The following MYO3A variants were observed in gnomAD, a reference collection of about 807,000 sequenced individuals.
MYO3A encodes the protein myosin-IIIa.
A neutral mutation model predicts 192.7 loss-of-function variants in MYO3A; 180 were observed. The ratio of observed to expected loss-of-function variants is 0.93; its 90% CI spans 0.83 to 1.06. The LOEUF is 1.06. Ranked by LOEUF, MYO3A falls within the 50% of genes least tolerant of loss-of-function variation. The probability of loss-of-function intolerance (pLI) is 0.00; values close to 1 mark genes in which losing one functional copy is unlikely to be tolerated. For synonymous variants in MYO3A, 628 were observed against 645.3 expected, an observed-to-expected ratio of 0.97 and a Z score of 0.41; for missense variants, 1,896 against 1,905.0, an observed-to-expected ratio of 1.00 and a Z score of 0.09.
At chr10:26,096,340 G>T in intron 15 of MYO3A, 41 bp from the exon 16 acceptor site, 3 of 1,371,246 alleles carry the variant, frequency 2.2e-6, no homozygotes, top group Non-Finnish European at 3.1e-6. Context: ...AGCAAGAAAT[G>T]TTCTTACTAA....
chr10:26,067,484 C>T (rs931608667), intron 11 of MYO3A, among the ~76,000 whole-genome samples: 1 of 152,148 alleles, frequency 6.6e-6, no homozygotes, highest in Non-Finnish European at 1.5e-5. Flanking sequence ...GTGGTGGCCT[C>T]CCGCTTTGTC....
intron 6 of MYO3A, among the ~76,000 whole-genome samples, chr10:26,014,198 G>T (rs1204205194): frequency 6.6e-6 from 1 of 151,064 alleles, no homozygotes; most frequent in Non-Finnish European, 1.5e-5. Flanking sequence ...GGTAATGGGT[G>T]CACTAAAGTC....
chr10:26,173,671 T>C lies in MYO3A; in HGVS notation c.3407T>C (p.Phe1136Ser). ...TAATATATTTTACACAGGGAATCTT[T>C]CGTGAAGAAACAAGCAGAAAATGCA... ...KKNFENTRESFVKKQAENAIS... is the reference protein window; with the variant it reads ...KKNFENTRESSVKKQAENAIS... Residue 1136 changes from phenylalanine to serine, a missense_variant, in exon 30 of 35, where the codon TTC becomes TCC. By Grantham distance (155) the Phe-to-Ser change is radical. Transcript: ENST00000642920. 1 of 1,613,316 alleles carries C rather than the reference T, an allele frequency of 6.2e-7. No homozygotes were observed. The highest frequency in any genetic ancestry group is 8.5e-7 in the Non-Finnish European group (1 of 1,179,526).
At chr10:26,039,965 G>A (rs1405770026) in intron 10 of MYO3A, among the ~76,000 whole-genome samples, 1 of 148,936 alleles carries the variant, frequency 6.7e-6, no homozygotes, top group East Asian at 1.9e-4. Flanking sequence ...ACATCATTAG[G>A]TTGTTTATTT....
At chr10:26,006,275 A>G (rs557269877) in intron 6 of MYO3A, among the ~76,000 whole-genome samples, 1 of 152,326 alleles carries the variant, frequency 6.6e-6, no homozygotes, top group South Asian at 2.1e-4. Context: ...CACAAGAGAA[A>G]GCAGAAAGAT....
chr10:26,058,291 T>G (rs999685732), intron 10 of MYO3A, among the ~76,000 whole-genome samples: 1 of 152,254 alleles, frequency 6.6e-6, no homozygotes, highest in African/African-American at 2.4e-5. Context: ...TTTGTATTTC[T>G]TCCATGTTTT....
chr10:26,212,028 C>T lies in MYO3A; in HGVS notation c.*65C>T. On this transcript the variant is annotated 3_prime_UTR_variant, in exon 35 of 35. Transcript: ENST00000642920. ...AGCCTGCGGGGCAGCAGGGGCCAAGCAGGCACTCTGGGGCTGGCACCAGCA... is the reference window on the plus strand; with the variant it reads ...AGCCTGCGGGGCAGCAGGGGCCAAGTAGGCACTCTGGGGCTGGCACCAGCA... The T allele has an allele frequency of 6.3e-7, 1 of 1,577,260 alleles. No homozygotes were observed. Among genetic ancestry groups the T allele is most frequent in the Non-Finnish European group, 8.6e-7 (1 of 1,158,338 alleles).
At chr10:26,150,230 A>C (rs1185862226) in intron 23 of MYO3A, among the ~76,000 whole-genome samples, 1 of 152,188 alleles carries the variant, frequency 6.6e-6, no homozygotes, top group Non-Finnish European at 1.5e-5. Context: ...ATATTGCTGA[A>C]TTCAGTTTGC....
chr10:26,119,888 G>A (rs548245838), intron 17 of MYO3A, among the ~76,000 whole-genome samples: 1 of 151,992 alleles, frequency 6.6e-6, no homozygotes, highest in East Asian at 1.9e-4. Flanking sequence ...TGGCACAGTG[G>A]TTTACACCAA....
chr10:26,047,969 A>C (rs1023105917), intron 10 of MYO3A, among the ~76,000 whole-genome samples: 9 of 152,122 alleles, frequency 5.9e-5, no homozygotes, highest in African/African-American at 2.2e-4. Context: ...TCACATTTTT[A>C]ATACTCTAAA....
At chr10:26,122,394 A>G (rs1304407642) in intron 18 of MYO3A, among the ~76,000 whole-genome samples, 1 of 152,238 alleles carries the variant, frequency 6.6e-6, no homozygotes, top group African/African-American at 2.4e-5. Flanking sequence ...TGAAAGTTAT[A>G]AGGAATTATG....
intron 10 of MYO3A, among the ~76,000 whole-genome samples, chr10:26,047,712 T>A (rs1054929280): frequency 2.9e-4 from 44 of 151,954 alleles, no homozygotes; most frequent in Admixed American, 2.7e-3. Context: ...GAGGTGGAGC[T>A]TGCAGTGAGC....
At chr10:26,037,012 G>A (rs1015102789) in intron 10 of MYO3A, among the ~76,000 whole-genome samples, 4 of 152,146 alleles carry the variant, frequency 2.6e-5, no homozygotes, top group Non-Finnish European at 5.9e-5. Flanking sequence ...CAATCCTGCC[G>A]TCTATTAGTC....
intron 3 of MYO3A, among the ~76,000 whole-genome samples, chr10:25,953,391 TTAAA>T (rs1164860883): frequency 2.6e-5 from 4 of 152,040 alleles, no homozygotes; most frequent in African/African-American, 7.2e-5. Flanking sequence ...AAGCAATAAA[TTAAA>T]TAAATACACT....
At position 26,011,881 on chromosome 10, in the gene MYO3A, C is replaced by T. The variant is rs572152180; in HGVS notation, c.509-4939C>T. Among the ~76,000 whole-genome samples, 228 of 152,248 alleles carry T rather than the reference C, an allele frequency of 1.5e-3. 1 individual carries two copies. In the Middle Eastern group the frequency reaches 0.017, roughly 11 times the overall value. On this transcript the variant is annotated intron_variant, in intron 6 of 34. Coordinates refer to ENST00000642920, the MANE Select transcript of MYO3A (RefSeq NM_017433.5). The stretch of plus-strand genomic sequence containing the variant: ...TACTAGCTAACTGAATCCAACAGCA[C>T]GTCAAGAAGATAATTCATCATAAGC...
chr10:26,134,856 T>C (rs533789128), intron 20 of MYO3A, among the ~76,000 whole-genome samples: 14 of 152,262 alleles, frequency 9.2e-5, no homozygotes, highest in Admixed American at 7.8e-4. Flanking sequence ...CTGGGCAATG[T>C]TTTCATGAAT....
In MYO3A at chr10:26,143,429, G is replaced by T. The variant is rs371676373; in HGVS notation, c.2263-19G>T. The T allele has an allele frequency of 2.5e-5, 40 of 1,594,870 alleles. No individual in the cohort carries two copies. Among genetic ancestry groups the T allele is most frequent in the Non-Finnish European group, 3.3e-5 (38 of 1,163,110 alleles). Reference sequence around the variant, plus strand: ...CTATATATTATTCACAGTTTTAAGTGGTTTTGTCTTTATTATAGAATGAAT... The same window carrying T: ...CTATATATTATTCACAGTTTTAAGTTGTTTTGTCTTTATTATAGAATGAAT... On this transcript the variant is annotated intron_variant, in intron 20 of 34. Transcript: ENST00000642920.
chr10:26,103,128 C>G (rs1302503892), intron 17 of MYO3A, among the ~76,000 whole-genome samples: 1 of 152,234 alleles, frequency 6.6e-6, no homozygotes, highest in Non-Finnish European at 1.5e-5. Context: ...CCTTGCAGTT[C>G]AATCTCAGAC....
chr10:25,978,197 C>G (rs1839077935), intron 4 of MYO3A, among the ~76,000 whole-genome samples: 1 of 151,976 alleles, frequency 6.6e-6, no homozygotes, highest in South Asian at 2.1e-4. Context: ...ATTGAAGTGT[C>G]TTTTGTCTTG....
Sources: allele counts gnomAD v4.1 joint callset (sites outside exome capture counted in the v4.1 genomes callset), GRCh38; gene constraint gnomAD v4.1.1; transcripts MANE v1.5; gene names NCBI Gene and HGNC (gene_info 2026-07-23, HGNC 2026-07-21).